Variants in FOXN3 observed in about 807,000 individuals in gnomAD.
FOXN3 encodes forkhead box protein N3.
FOXN3 carries 7 observed loss-of-function variants against 38.4 expected under a neutral mutation model. The ratio of observed to expected loss-of-function variants is 0.18; its 90% confidence interval spans 0.10 to 0.34. FOXN3 has a LOEUF of 0.34. Among genes scored for constraint, FOXN3 ranks in the 10% least tolerant of loss-of-function variants. The pLI is 1.00. For missense variants in FOXN3, 456 were observed against 613.4 expected, an observed-to-expected ratio of 0.74 and a Z score of 2.71; for synonymous variants, 230 against 242.2, an observed-to-expected ratio of 0.95 and a Z score of 0.47.
At chr14:89,423,346 T>C (rs1364517429) in intron 1 of FOXN3, among the ~76,000 whole-genome samples, 1 of 152,218 alleles carries the variant, frequency 6.6e-6, no homozygotes, top group East Asian at 1.9e-4. Flanking sequence ...GAAGATTAAA[T>C]AAATTAATCT....
chr14:89,527,072 A>C, intron 1 of FOXN3, among the ~76,000 whole-genome samples: 1 of 150,110 alleles, frequency 6.7e-6, no homozygotes, highest in Admixed American at 6.7e-5. Flanking sequence ...GAGGAAGGGG[A>C]AGGGAGGAGA....
rs139977064 is a variant in FOXN3, at chr14:89,221,008, T to C, written c.746-40202A>G. On this transcript the variant is annotated intron_variant, in intron 4 of 5. Coordinates refer to ENST00000557258, the MANE Select transcript of FOXN3 (RefSeq NM_005197.4). ...ATGGAATCAGGCTGGTAGCTGAAAG[T>C]GAGTTCAGGGATGCATTAAAAACAG... 9.8e-4 allele frequency among the ~76,000 whole-genome samples: 149 copies of C among 152,050 alleles called. 1 individual carries two copies. The East Asian group carries it at 0.026, about 27-fold the overall frequency.
intron 4 of FOXN3, among the ~76,000 whole-genome samples, chr14:89,215,721 C>G (rs1884257571): frequency 6.6e-6 from 1 of 152,148 alleles, no homozygotes; most frequent in South Asian, 2.1e-4. Context: ...AAAAGTGGCT[C>G]TTCTGTGCAA....
intron 1 of FOXN3, among the ~76,000 whole-genome samples, chr14:89,536,518 A>C (rs1462361018): frequency 2.0e-5 from 3 of 152,246 alleles, no homozygotes; most frequent in African/African-American, 7.2e-5. Context: ...GCGGTGGCTC[A>C]CGCCTATAAT....
At chr14:89,487,622 G>A (rs2139769204) in intron 1 of FOXN3, among the ~76,000 whole-genome samples, 1 of 152,246 alleles carries the variant, frequency 6.6e-6, no homozygotes, top group East Asian at 1.9e-4. Flanking sequence ...ACTCTACTTT[G>A]TGTTTAAGCT....
In FOXN3 at chr14:89,328,341, G is replaced by C. The variant is rs550027724; in HGVS notation, c.680+22331C>G. ...AATGGGCAAAGAGACATTCCCAACA[G>C]CAGCCCTGGATGAATGGGGGAAGAG... On this transcript the variant is annotated intron_variant, in intron 3 of 5. Coordinates refer to ENST00000557258, the MANE Select transcript of FOXN3 (RefSeq NM_005197.4). Among the ~76,000 whole-genome samples, 5 of 152,210 alleles carry C rather than the reference G, an allele frequency of 3.3e-5. No homozygotes were observed. In the South Asian group the frequency reaches 1.0e-3, roughly 32 times the overall value.
chr14:89,605,177 C>T (rs947786821), intron 1 of FOXN3, among the ~76,000 whole-genome samples: 1 of 150,874 alleles, frequency 6.6e-6, no homozygotes, highest in African/African-American at 2.4e-5. Flanking sequence ...AAAAAAAACA[C>T]AAAAAAAACA....
chr14:89,464,423 C>G (rs1022327920), intron 1 of FOXN3, among the ~76,000 whole-genome samples: 2 of 152,178 alleles, frequency 1.3e-5, no homozygotes, highest in African/African-American at 4.8e-5. Flanking sequence ...ACCATGGTAT[C>G]AAGCTATCTT....
At chr14:89,290,691 CT>C in intron 3 of FOXN3, 9 of 414,418 alleles carry the variant, frequency 2.2e-5, no homozygotes, top group Non-Finnish European at 2.8e-5. Flanking sequence ...AGATGTGGGA[CT>C]TGGAATGTAG....
chr14:89,219,653 C>T (rs888845035), intron 4 of FOXN3, among the ~76,000 whole-genome samples: 7 of 152,194 alleles, frequency 4.6e-5, no homozygotes, highest in East Asian at 1.9e-4. Flanking sequence ...TTGACGTAAC[C>T]GCTCTGTGCC....
Position 89,484,346 on chromosome 14 carries a change from A to G in FOXN3, c.-14-71856T>C, listed in dbSNP as rs1893401001. ...GTAAATATTTCATGGTTTCCATTGC[A>G]CTTATTTAACTCTGCCATTGTAAGG... On this transcript the variant is annotated intron_variant, in intron 1 of 6. Transcript: ENST00000345097. The surrounding 1 kb of genome is among the most constrained non-coding windows in gnomAD (Gnocchi z 4.0). 6.6e-6 allele frequency among the ~76,000 whole-genome samples: 1 copy of G among 152,212 alleles called. No homozygotes were observed. Among genetic ancestry groups the G allele is most frequent in the Non-Finnish European group, 1.5e-5 (1 of 68,044 alleles).
chr14:89,398,296 C>T (rs1891152420), intron 2 of FOXN3, among the ~76,000 whole-genome samples: 1 of 152,222 alleles, frequency 6.6e-6, no homozygotes, highest in South Asian at 2.1e-4. Flanking sequence ...TAGTGCATAA[C>T]AGTCAGCAAG....
chr14:89,286,524 T>C (rs1026160036), intron 3 of FOXN3, among the ~76,000 whole-genome samples: 1 of 152,170 alleles, frequency 6.6e-6, no homozygotes, highest in Non-Finnish European at 1.5e-5. Flanking sequence ...AGATGGACTG[T>C]GATGGCAATC....
intron 1 of FOXN3, among the ~76,000 whole-genome samples, chr14:89,568,542 C>T (rs777410388): frequency 5.0e-4 from 76 of 152,324 alleles, no homozygotes; most frequent in East Asian, 5.8e-4. Context: ...TGAACTCCTT[C>T]GGGATTTTTA....
chr14:89,411,884 A>T, intron 2 of FOXN3, 50 bp downstream of exon 2: 30 of 1,230,964 alleles, frequency 2.4e-5, no homozygotes, highest in Non-Finnish European at 3.1e-5. Flanking sequence ...GAAAAATTTT[A>T]AATTAAAAAA....
rs186186184 is a variant in FOXN3 at position 89,168,882 on chromosome 14, G to A, written c.852-5913C>T. ...TAAAGTAGTAGAAAGAAAACGTATC[G>A]CCTAAAGTACTAATTAAGATAAAAC... On this transcript the variant is annotated intron_variant, in intron 5 of 5. Coordinates refer to ENST00000557258, the MANE Select transcript of FOXN3 (RefSeq NM_005197.4). Among the ~76,000 whole-genome samples, 387 of 152,238 alleles carry A rather than the reference G, an allele frequency of 2.5e-3. 2 individuals carry two copies. The highest frequency in any genetic ancestry group is 1.9e-3 in the Non-Finnish European group (127 of 68,022).
At chr14:89,372,141 A>C (rs1890336685) in intron 2 of FOXN3, among the ~76,000 whole-genome samples, 1 of 152,200 alleles carries the variant, frequency 6.6e-6, no homozygotes, top group Admixed American at 6.5e-5. Context: ...TACATGCCAC[A>C]GTATGTACAT....
intron 2 of FOXN3, among the ~76,000 whole-genome samples, chr14:89,360,767 T>TCCACCACCACCTCCACCACCACCTCC (rs1889494212): frequency 5.6e-5 from 1 of 17,810 alleles, no homozygotes; most frequent in African/African-American, 3.3e-4. Flanking sequence ...CCTCCACCAC[T>TCCACCACCACCTCCACCACCACCTCC]ACCACCTCCA....
chr14:89,163,043 C>A lies in FOXN3; in HGVS notation c.852-74G>T, dbSNP rs1018322027. The stretch of plus-strand genomic sequence containing the variant: ...AGTTAGACGTCCTCAGATGGGGGCA[C>A]CCGGCAGCCCGCCTGCATTCAACCA... On this transcript the variant is annotated intron_variant, in intron 5 of 5. Coordinates refer to ENST00000557258, the MANE Select transcript of FOXN3 (RefSeq NM_005197.4). This position sits in a 1 kb window ranked among gnomAD's most constrained non-coding sequence, Gnocchi z 4.3. 3.1e-5 allele frequency: 42 copies of A among 1,345,784 alleles called. No homozygotes were observed. Among genetic ancestry groups the A allele is most frequent in the African/African-American group, 1.9e-4 (13 of 68,082 alleles). The allele number at this position is 1,345,784 out of a possible 1,614,324, so 83.4% of individuals were successfully genotyped here.
Sources: gnomAD v4.1 joint callset for allele counts (sites outside exome capture counted in the v4.1 genomes callset) on GRCh38, gnomAD v4.1.1 for gene constraint, Gnocchi (gnomAD v3.1) non-coding constraint, MANE v1.5 for transcripts, NCBI Gene and HGNC (gene_info 2026-07-23, HGNC 2026-07-21) for gene names.